Variants in RAB38 observed in about 807,000 individuals in gnomAD.
RAB38 encodes ras-related protein Rab-38.
RAB38 carries 15 observed loss-of-function variants against 18.4 expected under a neutral mutation model. The ratio of observed to expected loss-of-function variants is 0.82; its 90% CI spans 0.55 to 1.26. The LOEUF (loss-of-function observed/expected upper bound fraction) is 1.26, where lower values mean the gene tolerates loss of function less well. RAB38 is among the 50% of genes most tolerant of loss of function. The probability of loss-of-function intolerance (pLI) is 0.00; values close to 1 mark genes in which losing one functional copy is unlikely to be tolerated. For missense variants in RAB38, 294 were observed against 267.4 expected (o/e 1.10, Z -0.69); for synonymous variants, 101 against 104.4 (o/e 0.97, Z 0.20).
the RAB38 span, among the ~76,000 whole-genome samples, chr11:88,073,258 C>T: frequency 6.6e-6 from 1 of 152,186 alleles, no homozygotes; most frequent in Non-Finnish European, 1.5e-5. Context: ...CTCTGTAACT[C>T]AGCCAAAGGA....
the RAB38 span, among the ~76,000 whole-genome samples, chr11:88,024,910 A>C: frequency 9.5e-6 from 1 of 105,742 alleles, no homozygotes. Flanking sequence ...AATGGGCACA[A>C]AAAAAATAGT....
chr11:88,036,415 C>T, the RAB38 span, among the ~76,000 whole-genome samples: 1 of 152,154 alleles, frequency 6.6e-6, no homozygotes, highest in African/African-American at 2.4e-5. Context: ...TTAATGCTAA[C>T]AAAAATTCAA....
the RAB38 span, among the ~76,000 whole-genome samples, chr11:88,080,734 C>T: frequency 5.3e-5 from 8 of 151,652 alleles, no homozygotes; most frequent in East Asian, 5.8e-4. Flanking sequence ...CTTAGCACCT[C>T]GCCCCTGATA....
chr11:87,928,410 T>C, the RAB38 span, among the ~76,000 whole-genome samples: 1 of 152,102 alleles, frequency 6.6e-6, no homozygotes, highest in Non-Finnish European at 1.5e-5. Context: ...CTCCCCATGA[T>C]ATATACCTCT....
chr11:87,969,640 C>T, the RAB38 span, among the ~76,000 whole-genome samples: 129 of 152,080 alleles, frequency 8.5e-4, 1 homozygote, highest in African/African-American at 2.8e-3. Flanking sequence ...GGAAATAGAC[C>T]TCATTTGGTC....
chr11:88,052,940 AT>A, the RAB38 span, among the ~76,000 whole-genome samples: 2 of 119,368 alleles, frequency 1.7e-5, no homozygotes, highest in South Asian at 2.3e-4. Flanking sequence ...ATATATATAT[AT>A]ATAAATTATA....
chr11:88,149,773 AT>A lies in RAB38; in HGVS notation c.384del (p.Lys128AsnfsTer10), dbSNP rs1565216979. On this transcript the variant is annotated frameshift_variant, in exon 2 of 3. Transcript: ENST00000243662. LOFTEE classifies it high-confidence loss of function. ...KPVSVVLLAN[K>X]CDQGKDVLMN... ...ATGAGCACATCCTTCCCCTGGTCAC[AT>A]TTGTTGGCCAACAAAACCACTGAAA... 5 of 1,614,146 alleles carry A rather than the reference AT, an allele frequency of 3.1e-6. No homozygotes were observed. The highest frequency in any genetic ancestry group is 4.2e-6 in the Non-Finnish European group (5 of 1,180,018).
chr11:88,074,969 T>C, the RAB38 span, among the ~76,000 whole-genome samples: 6 of 152,290 alleles, frequency 3.9e-5, no homozygotes, highest in Non-Finnish European at 7.4e-5. Context: ...AATGACACTA[T>C]ATAATGATAA....
chr11:87,962,721 C>T, the RAB38 span, among the ~76,000 whole-genome samples: 42 of 151,968 alleles, frequency 2.8e-4, no homozygotes, highest in African/African-American at 8.9e-4. Context: ...TTTTTTCAGA[C>T]GGAGGAAATA....
At chr11:88,069,369 CG>C in the RAB38 span, among the ~76,000 whole-genome samples, 7 of 152,220 alleles carry the variant, frequency 4.6e-5, no homozygotes, top group East Asian at 1.9e-4. Flanking sequence ...GCCTCCCCGA[CG>C]GGCACCAACC....
the RAB38 span, among the ~76,000 whole-genome samples, chr11:88,070,149 G>GTT: frequency 3.9e-5 from 6 of 152,294 alleles, 1 homozygote; most frequent in Admixed American, 3.3e-4. Context: ...TTTATGAGCT[G>GTT]TAACACTCAC....
chr11:87,855,810 A>G, the RAB38 span, among the ~76,000 whole-genome samples: 3 of 152,150 alleles, frequency 2.0e-5, no homozygotes, highest in African/African-American at 7.2e-5. Flanking sequence ...CTTTAAATAA[A>G]CATAAATAAT....
At chr11:87,939,864 C>G in the RAB38 span, among the ~76,000 whole-genome samples, 1 of 152,116 alleles carries the variant, frequency 6.6e-6, no homozygotes, top group Non-Finnish European at 1.5e-5. Flanking sequence ...TATACCCCAG[C>G]TACACCTCAG....
chr11:87,838,641 A>G, the RAB38 span, among the ~76,000 whole-genome samples: 7 of 152,166 alleles, frequency 4.6e-5, no homozygotes, highest in African/African-American at 7.2e-5. Context: ...AGCTTGCACA[A>G]ATCTTTTCTG....
chr11:88,163,179 T>C (rs1266470195), intron 1 of RAB38, among the ~76,000 whole-genome samples: 1 of 152,114 alleles, frequency 6.6e-6, no homozygotes, highest in African/African-American at 2.4e-5. Context: ...GTAGAATTAC[T>C]CAATTACTAT....
At chr11:87,957,802 G>T in the RAB38 span, among the ~76,000 whole-genome samples, 1 of 152,104 alleles carries the variant, frequency 6.6e-6, no homozygotes, top group African/African-American at 2.4e-5. Flanking sequence ...AAAGGAAGAA[G>T]GGAGAGCATG....
At chr11:87,807,955 C>T in the RAB38 span, among the ~76,000 whole-genome samples, 2 of 152,200 alleles carry the variant, frequency 1.3e-5, no homozygotes, top group East Asian at 3.8e-4. Context: ...CTATCTATCT[C>T]CCTCTGGCAT....
At chr11:88,106,743 GACTT>G in the RAB38 span, among the ~76,000 whole-genome samples, 1 of 152,106 alleles carries the variant, frequency 6.6e-6, no homozygotes, top group African/African-American at 2.4e-5. Flanking sequence ...TTGTCTTCAA[GACTT>G]ACTTTGTTTA....
the RAB38 span, among the ~76,000 whole-genome samples, chr11:88,040,000 C>T: frequency 6.6e-6 from 1 of 152,188 alleles, no homozygotes; most frequent in African/African-American, 2.4e-5. Flanking sequence ...ATGGCCAGAT[C>T]TGATTCTTAA....
Sources: gnomAD v4.1 joint callset for allele counts (sites outside exome capture counted in the v4.1 genomes callset) on GRCh38, gnomAD v4.1.1 for gene constraint, MANE v1.5 for transcripts, NCBI Gene and HGNC (gene_info 2026-07-23, HGNC 2026-07-21) for gene names.